Variants in COBL observed in about 807,000 individuals in gnomAD.
COBL encodes cordon-bleu WH2 repeat protein.
Under a neutral mutation model 98.8 loss-of-function variants are expected in COBL, and 51 were observed. That is an observed-to-expected ratio of 0.52 (90% CI 0.41 to 0.65). The LOEUF is 0.65. COBL is among the 30% of genes least tolerant of loss of function. COBL has a pLI of 0.00. For missense variants in COBL, 1,617 were observed against 1,617.5 expected (o/e 1.00, Z 0.01); for synonymous variants, 634 against 651.7 (o/e 0.97, Z 0.41).
intron 6 of COBL, among the ~76,000 whole-genome samples, chr7:51,134,580 T>TA (rs1332742755): frequency 6.6e-6 from 1 of 152,170 alleles, no homozygotes; most frequent in African/African-American, 2.4e-5. Context: ...ATTAACAAAA[T>TA]ACAATTCTTA....
chr7:51,100,328 G>A (rs938736774), intron 6 of COBL, among the ~76,000 whole-genome samples: 13 of 152,152 alleles, frequency 8.5e-5, no homozygotes, highest in African/African-American at 3.1e-4. Flanking sequence ...GAACTGTAGT[G>A]GATTCAAAGA....
rs539510890 is a variant in COBL, at chr7:51,244,498, G to A, written c.42-24554C>T. Among the ~76,000 whole-genome samples, 933 of 152,298 alleles carry A rather than the reference G, an allele frequency of 6.1e-3. 4 individuals are homozygous for A. The highest frequency in any genetic ancestry group is 0.02 in the Middle Eastern group (6 of 294). On this transcript the variant is annotated intron_variant, in intron 1 of 12. Coordinates refer to ENST00000265136, the MANE Select transcript of COBL (RefSeq NM_015198.5). ...ACTCTATATTCTGGCCACAGATAGAGAGAGTTGTGTGGATGCTGCCATTTG... is the reference window on the plus strand; with the variant it reads ...ACTCTATATTCTGGCCACAGATAGAAAGAGTTGTGTGGATGCTGCCATTTG...
rs1299151671 is a variant in COBL at position 51,027,973 on chromosome 7, C to T, written c.3123G>A (p.Val1041=). 4 of 1,606,606 alleles carry T rather than the reference C, an allele frequency of 2.5e-6. No individual in the cohort carries two copies. Among genetic ancestry groups the T allele is most frequent in the Non-Finnish European group, 3.4e-6 (4 of 1,175,922 alleles). Residue 1041 remains valine, a synonymous_variant, in exon 10 of 13, where the codon GTG becomes GTA. Coordinates refer to ENST00000265136, the MANE Select transcript of COBL (RefSeq NM_015198.5). ...AAGGCTCGCCGTGGCCTGGGGCGCG[C>T]ACAGAGCCATTGACCAGCTCCCTGC... ...ACSRELVNGS[V]RAPGHGEPSH...
chr7:51,191,126 A>G, intron 3 of COBL, 48 bp from the exon 4 acceptor site: 1 of 1,531,232 alleles, frequency 6.5e-7, no homozygotes, highest in Non-Finnish European at 9.0e-7. Context: ...ATCCTCCCAC[A>G]AGCCTTCAAC....
intron 2 of COBL, among the ~76,000 whole-genome samples, chr7:51,208,141 G>A (rs1305339027): frequency 2.0e-5 from 3 of 149,506 alleles, no homozygotes; most frequent in Non-Finnish European, 4.5e-5. Flanking sequence ...GGGAGGTGAG[G>A]AGCGTCTCTG....
intron 5 of COBL, among the ~76,000 whole-genome samples, chr7:51,182,219 GA>G (rs1351624659): frequency 6.9e-6 from 1 of 145,936 alleles, no homozygotes; most frequent in Non-Finnish European, 1.5e-5. Flanking sequence ...AAAACGTCAG[GA>G]AAAAAAAACC....
chr7:51,216,160 C>T (rs1793020184), intron 2 of COBL, among the ~76,000 whole-genome samples: 1 of 152,176 alleles, frequency 6.6e-6, no homozygotes, highest in African/African-American at 2.4e-5. Flanking sequence ...TACCTGACAC[C>T]CTTTTGTAAA....
intron 5 of COBL, among the ~76,000 whole-genome samples, chr7:51,147,212 ACT>A (rs1785113131): frequency 6.6e-6 from 1 of 152,202 alleles, no homozygotes; most frequent in South Asian, 2.1e-4. Context: ...GAGCCAGCGC[ACT>A]GAGAACCTGC....
intron 1 of COBL, among the ~76,000 whole-genome samples, chr7:51,274,269 G>A (rs538614957): frequency 6.6e-6 from 1 of 152,192 alleles, no homozygotes; most frequent in East Asian, 1.9e-4. Context: ...CAAACACACT[G>A]CACATGACCC....
intron 5 of COBL, among the ~76,000 whole-genome samples, chr7:51,159,066 A>G (rs977962192): frequency 1.3e-5 from 2 of 152,100 alleles, no homozygotes; most frequent in African/African-American, 4.8e-5. Context: ...AAGACACACG[A>G]AGAGCTGGCC....
chr7:51,184,213 G>C lies in COBL; in HGVS notation c.686-14C>G. 1 of 1,400,158 alleles carries C rather than the reference G, an allele frequency of 7.1e-7. No individual in the cohort carries two copies. The highest frequency in any genetic ancestry group is 2.4e-5 in the Admixed American group (1 of 40,958). 86.7% of individuals were successfully genotyped at this position (1,400,158 alleles called of 1,614,324 possible). A position where few individuals can be genotyped will look rare whatever the true frequency, so the allele number is the denominator to read the frequency against. On this transcript the variant is annotated splice_polypyrimidine_tract_variant and intron_variant, in intron 4 of 12. Transcript: ENST00000265136. ...TCCTAAAGGTTTCTGGAAAAAAAAA[G>C]CACTAAGTTATTTTTCAGCATCTGA...
intron 12 of COBL, chr7:51,022,858 G>A (rs1312213602): frequency 6.6e-6 from 1 of 152,228 alleles, no homozygotes; most frequent in Non-Finnish European, 1.5e-5. Flanking sequence ...GCTCAAATGA[G>A]ATAGACAATC....
At chr7:51,144,295 T>G (rs2129014658) in intron 5 of COBL, among the ~76,000 whole-genome samples, 1 of 152,314 alleles carries the variant, frequency 6.6e-6, no homozygotes, top group South Asian at 2.1e-4. Flanking sequence ...TACATGGTCC[T>G]CATTTCACAG....
In COBL at chr7:51,303,537, T is replaced by C. The variant is rs887711264; in HGVS notation, c.41+13056A>G. 1.1e-4 allele frequency among the ~76,000 whole-genome samples: 17 copies of C among 152,214 alleles called. 1 individual carries two copies. The highest frequency in any genetic ancestry group is 3.6e-4 in the African/African-American group (15 of 41,458). On this transcript the variant is annotated intron_variant, in intron 1 of 12. Coordinates refer to ENST00000265136, the MANE Select transcript of COBL (RefSeq NM_015198.5). The stretch of plus-strand genomic sequence containing the variant: ...ACAGAAACAGAGGCATCACTTGTCA[T>C]TACTTTCCTCTAGCAAAAACAGACT...
In COBL at chr7:51,027,818, T is replaced by C. The variant is rs1361991031; in HGVS notation, c.3278A>G (p.Lys1093Arg). ...TCTCTGGACAACAGGTTTGAATTTTTTCTTCGGCCCAAAAATGCTGGGTGG... is the reference window on the plus strand; with the variant it reads ...TCTCTGGACAACAGGTTTGAATTTTCTCTTCGGCCCAAAAATGCTGGGTGG... The part of the protein sequence containing the change: ...IWPPSIFGPK[K>R]KFKPVVQRPV... Residue 1093 changes from lysine to arginine, a missense_variant, in exon 10 of 13, where the codon AAA becomes AGA. By Grantham distance (26) the Lys-to-Arg change is conservative. Coordinates refer to ENST00000265136, the MANE Select transcript of COBL (RefSeq NM_015198.5). 10 of 1,614,144 alleles carry C rather than the reference T, an allele frequency of 6.2e-6. No individual in the cohort carries two copies. Among genetic ancestry groups the C allele is most frequent in the Non-Finnish European group, 7.6e-6 (9 of 1,180,058 alleles).
intron 1 of COBL, among the ~76,000 whole-genome samples, chr7:51,242,771 G>C (rs1003053400): frequency 2.6e-5 from 4 of 152,202 alleles, no homozygotes; most frequent in Non-Finnish European, 5.9e-5. Context: ...TGGAGACAGA[G>C]CTGAACCCGA....
At chr7:51,024,257 C>G (rs1009592704) in intron 12 of COBL, among the ~76,000 whole-genome samples, 10 of 151,804 alleles carry the variant, frequency 6.6e-5, no homozygotes, top group Non-Finnish European at 1.0e-4. Context: ...TGCAGTGAGC[C>G]GAGATCGCGT....
At chr7:51,273,314 TAA>T (rs1798949069) in intron 1 of COBL, among the ~76,000 whole-genome samples, 1 of 81,660 alleles carries the variant, frequency 1.2e-5, no homozygotes, top group Non-Finnish European at 2.3e-5. Flanking sequence ...GGCAACAGAA[TAA>T]GACTCCATCT....
At chr7:51,075,998 G>A (rs1348930108) in intron 7 of COBL, among the ~76,000 whole-genome samples, 6 of 152,074 alleles carry the variant, frequency 3.9e-5, no homozygotes, top group Non-Finnish European at 7.3e-5. Context: ...ATTTGCTCAC[G>A]ACCCACTTCC....
Sources: gnomAD v4.1 joint callset for allele counts (sites outside exome capture counted in the v4.1 genomes callset) on GRCh38, gnomAD v4.1.1 for gene constraint, MANE v1.5 for transcripts, NCBI Gene and HGNC (gene_info 2026-07-23, HGNC 2026-07-21) for gene names.